The following FBXL7 variants were observed in gnomAD, a reference collection of about 807,000 sequenced individuals.
The protein encoded by FBXL7 is F-box and leucine rich repeat protein 7.
FBXL7 carries 12 observed loss-of-function variants against 38.3 expected under a neutral mutation model. That is an observed-to-expected ratio of 0.31 (90% confidence interval 0.20 to 0.51). FBXL7 has a LOEUF of 0.51. Ranked by LOEUF, FBXL7 falls within the 20% of genes least tolerant of loss-of-function variation. FBXL7 has a pLI of 0.98. For missense variants in FBXL7, 567 were observed against 676.4 expected, an observed-to-expected ratio of 0.84 and a Z score of 1.79; for synonymous variants, 297 against 300.9, an observed-to-expected ratio of 0.99 and a Z score of 0.13.
rs1334043981 is a variant in FBXL7 at position 15,647,584 on chromosome 5, TTAA to T, written c.127+31515_127+31517del. ...CGGGGATTGCGGTGAATGTAGTGAA[TTAA>T]TATAATTTACCCTTTCATACTTACT... On this transcript the variant is annotated intron_variant, in intron 2 of 3. Coordinates refer to ENST00000504595, the MANE Select transcript of FBXL7 (RefSeq NM_012304.5). 5.9e-5 allele frequency among the ~76,000 whole-genome samples: 9 copies of T among 152,308 alleles called. No individual in the cohort carries two copies. In the South Asian group the frequency reaches 1.2e-3, roughly 21 times the overall value.
At chr5:15,503,265 A>G (rs1736549642) in intron 1 of FBXL7, among the ~76,000 whole-genome samples, 1 of 152,170 alleles carries the variant, frequency 6.6e-6, no homozygotes, top group Admixed American at 6.5e-5. Context: ...TACTAAAAAT[A>G]CAAAAAGTAT....
chr5:15,541,655 G>C (rs573998927), intron 1 of FBXL7, among the ~76,000 whole-genome samples: 1 of 145,934 alleles, frequency 6.9e-6, no homozygotes, highest in Non-Finnish European at 1.5e-5. Context: ...AGCAATTCTC[G>C]TGCCTCAGCC....
At chr5:15,912,363 A>G (rs1308877004) in intron 2 of FBXL7, among the ~76,000 whole-genome samples, 2 of 137,182 alleles carry the variant, frequency 1.5e-5, no homozygotes, top group African/African-American at 5.7e-5. Flanking sequence ...AGGTGAGGCA[A>G]TGCCTCGCCC....
intron 1 of FBXL7, among the ~76,000 whole-genome samples, chr5:15,543,735 A>G (rs527454096): frequency 6.6e-6 from 1 of 152,310 alleles, no homozygotes; most frequent in African/African-American, 2.4e-5. Context: ...CAACCTCAGT[A>G]TAAAGGGCAT....
intron 2 of FBXL7, among the ~76,000 whole-genome samples, chr5:15,864,296 C>T (rs1480718427): frequency 6.6e-6 from 1 of 151,950 alleles, no homozygotes; most frequent in East Asian, 1.9e-4. Context: ...CCCAAATGGA[C>T]TAAGACACCA....
At chr5:15,587,486 A>C (rs1739338742) in intron 1 of FBXL7, among the ~76,000 whole-genome samples, 1 of 152,036 alleles carries the variant, frequency 6.6e-6, no homozygotes, top group Non-Finnish European at 1.5e-5. Flanking sequence ...TTTGTTTCCT[A>C]ATTATGTACT....
At chr5:15,748,058 A>C (rs190602574) in intron 2 of FBXL7, among the ~76,000 whole-genome samples, 1,235 of 97,868 alleles carry the variant, frequency 0.013, 9 homozygotes, top group Non-Finnish European at 0.022. Flanking sequence ...CACCTGGAAA[A>C]GTCTAGAGGA....
chr5:15,689,393 G>A (rs1020283535), intron 2 of FBXL7, among the ~76,000 whole-genome samples: 1 of 151,634 alleles, frequency 6.6e-6, no homozygotes, highest in African/African-American at 2.4e-5. Flanking sequence ...TTCTTGGGAT[G>A]TCCAGGTTCA....
At chr5:15,702,152 C>T (rs1211352412) in intron 2 of FBXL7, among the ~76,000 whole-genome samples, 2 of 151,486 alleles carry the variant, frequency 1.3e-5, no homozygotes, top group Non-Finnish European at 2.9e-5. Context: ...GCAGGAAAAT[C>T]GCTTGAACCC....
At chr5:15,801,008 C>T (rs1737550675) in intron 2 of FBXL7, among the ~76,000 whole-genome samples, 1 of 152,132 alleles carries the variant, frequency 6.6e-6, no homozygotes, top group African/African-American at 2.4e-5. Flanking sequence ...TAGCAGTTTG[C>T]AAAGTCAGGC....
At chr5:15,673,264 C>T (rs770928094) in intron 2 of FBXL7, among the ~76,000 whole-genome samples, 2 of 150,346 alleles carry the variant, frequency 1.3e-5, no homozygotes, top group African/African-American at 2.5e-5. Context: ...TGCAGTGAGC[C>T]GAGATCACAC....
At chr5:15,697,878 G>A (rs905796643) in intron 2 of FBXL7, among the ~76,000 whole-genome samples, 3 of 152,176 alleles carry the variant, frequency 2.0e-5, no homozygotes, top group African/African-American at 7.2e-5. Flanking sequence ...AGAGCTAAGA[G>A]CTAAAGAAAT....
chr5:15,756,783 C>T (rs948211580), intron 2 of FBXL7, among the ~76,000 whole-genome samples: 4 of 152,122 alleles, frequency 2.6e-5, no homozygotes, highest in Non-Finnish European at 4.4e-5. Context: ...TCTGCTTTGT[C>T]CTCCTTCTCA....
chr5:15,707,534 A>G (rs1242087332), intron 2 of FBXL7, among the ~76,000 whole-genome samples: 1 of 152,198 alleles, frequency 6.6e-6, no homozygotes, highest in African/African-American at 2.4e-5. Flanking sequence ...ACAGAGAGAG[A>G]TGACAGACGT....
chr5:15,644,466 ACT>A, intron 2 of FBXL7, among the ~76,000 whole-genome samples: 1 of 152,058 alleles, frequency 6.6e-6, no homozygotes, highest in East Asian at 1.9e-4. Flanking sequence ...CAAGAGCGAA[ACT>A]CTGTCTCAAA....
rs377413164 is a variant in FBXL7 at position 15,867,061 on chromosome 5, A to G, written c.128-60829A>G. Among the ~76,000 whole-genome samples, 155 of 152,306 alleles carry G rather than the reference A, an allele frequency of 1.0e-3. 4 individuals are homozygous for G. The highest frequency in any genetic ancestry group is 3.6e-3 in the African/African-American group (149 of 41,574). ...GAGCAGCGCTTTTTTTCCACTCTAC[A>G]TATAAATCCTGATATTCAAATCTCT... On this transcript the variant is annotated intron_variant, in intron 2 of 3. Transcript: ENST00000504595.
At chr5:15,733,276 A>G (rs1561104347) in intron 2 of FBXL7, among the ~76,000 whole-genome samples, 1 of 152,126 alleles carries the variant, frequency 6.6e-6, no homozygotes, top group African/African-American at 2.4e-5. Flanking sequence ...TATTTTTAGT[A>G]GAGACGGGGT....
At chr5:15,902,897 C>T (rs1010693741) in intron 2 of FBXL7, among the ~76,000 whole-genome samples, 20 of 152,242 alleles carry the variant, frequency 1.3e-4, no homozygotes, top group East Asian at 1.2e-3. Flanking sequence ...ATGCAGGCTT[C>T]GAGCAGTAGG....
intron 1 of FBXL7, among the ~76,000 whole-genome samples, chr5:15,599,484 T>C (rs1739727107): frequency 6.6e-6 from 1 of 152,160 alleles, no homozygotes; most frequent in South Asian, 2.1e-4. Context: ...TCCACTTAGC[T>C]TTTAGGTCTT....
Sources: allele counts gnomAD v4.1 joint callset (sites outside exome capture counted in the v4.1 genomes callset), GRCh38; gene constraint gnomAD v4.1.1; transcripts MANE v1.5; gene names NCBI Gene and HGNC (gene_info 2026-07-23, HGNC 2026-07-21).